The following ARHGAP15 variants were observed in gnomAD, a reference collection of about 807,000 sequenced individuals.
ARHGAP15 encodes the protein Rho GTPase activating protein 15.
ARHGAP15 carries 51 observed loss-of-function variants against 63.7 expected under a neutral mutation model. That is an observed-to-expected ratio of 0.80 (90% CI 0.64 to 1.01). The LOEUF is 1.01. ARHGAP15 is among the 50% of genes least tolerant of loss of function. ARHGAP15 has a pLI of 0.00. For synonymous variants in ARHGAP15, 191 were observed against 193.8 expected, an observed-to-expected ratio of 0.99 and a Z score of 0.12; for missense variants, 560 against 564.6, an observed-to-expected ratio of 0.99 and a Z score of 0.08.
intron 6 of ARHGAP15, among the ~76,000 whole-genome samples, chr2:143,298,357 CCT>C (rs1240724384): frequency 6.6e-6 from 1 of 151,838 alleles, no homozygotes; most frequent in Non-Finnish European, 1.5e-5. Context: ...TCTTTATTAT[CCT>C]CTTAGTACAC....
chr2:143,368,602 AAAT>A (rs1004677815), intron 6 of ARHGAP15, among the ~76,000 whole-genome samples: 4 of 152,062 alleles, frequency 2.6e-5, no homozygotes, highest in East Asian at 1.9e-4. Context: ...TAGAGTGGTA[AAAT>A]AATAATATCA....
At chr2:143,204,527 AC>A (rs1692250375) in intron 3 of ARHGAP15, among the ~76,000 whole-genome samples, 1 of 152,066 alleles carries the variant, frequency 6.6e-6, no homozygotes, top group Non-Finnish European at 1.5e-5. Context: ...TGAGAGCTCC[AC>A]CTTTATGACC....
intron 9 of ARHGAP15, among the ~76,000 whole-genome samples, chr2:143,494,563 T>C (rs1252099215): frequency 6.6e-6 from 1 of 152,344 alleles, no homozygotes; most frequent in South Asian, 2.1e-4. Context: ...TTTTTTATTT[T>C]AAATTGTTCT....
chr2:143,519,859 C>T (rs1445772436), intron 10 of ARHGAP15, among the ~76,000 whole-genome samples: 1 of 152,142 alleles, frequency 6.6e-6, no homozygotes, highest in Non-Finnish European at 1.5e-5. Flanking sequence ...AAAAGACACA[C>T]CTCAAAAGAT....
intron 6 of ARHGAP15, among the ~76,000 whole-genome samples, chr2:143,267,298 T>C (rs1454152663): frequency 1.3e-5 from 2 of 152,170 alleles, no homozygotes; most frequent in Non-Finnish European, 2.9e-5. Context: ...AAAAGCACAT[T>C]TAACATAATT....
At chr2:143,607,143 GATACA>G (rs949805720) in intron 11 of ARHGAP15, among the ~76,000 whole-genome samples, 28 of 152,132 alleles carry the variant, frequency 1.8e-4, no homozygotes, top group Non-Finnish European at 2.9e-4. Flanking sequence ...AATTACTGCA[GATACA>G]TTTCAGTCAC....
intron 6 of ARHGAP15, among the ~76,000 whole-genome samples, chr2:143,413,582 C>A (rs1688535880): frequency 6.6e-6 from 1 of 152,152 alleles, no homozygotes; most frequent in African/African-American, 2.4e-5. Flanking sequence ...GTGATCCTCC[C>A]ACCTGAACCT....
At chr2:143,240,735 G>A (rs1038883980) in intron 5 of ARHGAP15, among the ~76,000 whole-genome samples, 5 of 152,116 alleles carry the variant, frequency 3.3e-5, no homozygotes, top group Non-Finnish European at 5.9e-5. Flanking sequence ...AGGATAATGG[G>A]TAGAGATGGA....
intron 6 of ARHGAP15, among the ~76,000 whole-genome samples, chr2:143,270,212 C>A (rs1681206045): frequency 6.6e-6 from 1 of 152,122 alleles, no homozygotes. Context: ...CTTAGGTGAT[C>A]CACCTGCCTC....
chr2:143,519,240 G>A (rs982124244), intron 9 of ARHGAP15, 26 bp from the exon 10 acceptor site: 5 of 1,532,320 alleles, frequency 3.3e-6, no homozygotes, highest in Non-Finnish European at 4.5e-6. Flanking sequence ...GGATTTTAAT[G>A]AAGCTCATCT....
At position 143,329,648 on chromosome 2, in the gene ARHGAP15, T is replaced by C. The variant is rs536476222; in HGVS notation, c.474+79048T>C. Among the ~76,000 whole-genome samples the C allele has an allele frequency of 7.2e-5, 11 of 152,278 alleles. 1 individual carries two copies. In the South Asian group the frequency reaches 1.7e-3, roughly 23 times the overall value. On this transcript the variant is annotated intron_variant, in intron 6 of 13. Transcript: ENST00000295095. Reference sequence around the variant, plus strand: ...AAATACTGTGTTTTGAGCTGTTAAATTGGTGGCAATTTGTTACACAGCCAC... The same window carrying C: ...AAATACTGTGTTTTGAGCTGTTAAACTGGTGGCAATTTGTTACACAGCCAC...
intron 6 of ARHGAP15, among the ~76,000 whole-genome samples, chr2:143,426,241 T>A (rs546922925): frequency 6.6e-6 from 1 of 152,310 alleles, no homozygotes; most frequent in East Asian, 1.9e-4. Flanking sequence ...CCACCTGAGT[T>A]ATTTTTATGT....
intron 4 of ARHGAP15, among the ~76,000 whole-genome samples, chr2:143,226,679 C>G (rs1205749872): frequency 6.6e-6 from 1 of 152,122 alleles, no homozygotes; most frequent in African/African-American, 2.4e-5. Flanking sequence ...GTTTTTTCAT[C>G]TTTTCATTAT....
At chr2:143,658,852 C>T (rs1000173666) in intron 12 of ARHGAP15, among the ~76,000 whole-genome samples, 1 of 152,192 alleles carries the variant, frequency 6.6e-6, no homozygotes, top group South Asian at 2.1e-4. Context: ...CTTAATATAG[C>T]TAGGAAATTT....
At chr2:143,145,037 G>T (rs1052774085) in intron 1 of ARHGAP15, among the ~76,000 whole-genome samples, 2 of 152,024 alleles carry the variant, frequency 1.3e-5, no homozygotes, top group Non-Finnish European at 2.9e-5. Flanking sequence ...TCTGTGGAAG[G>T]TTCAGCTAAG....
At chr2:143,383,960 A>G (rs1353111882) in intron 6 of ARHGAP15, among the ~76,000 whole-genome samples, 6 of 152,154 alleles carry the variant, frequency 3.9e-5, no homozygotes, top group African/African-American at 7.2e-5. Flanking sequence ...GAAAACTAAA[A>G]TTGACAGTCA....
chr2:143,241,726 C>T (rs1025054737), intron 5 of ARHGAP15, among the ~76,000 whole-genome samples: 1 of 152,218 alleles, frequency 6.6e-6, no homozygotes. Flanking sequence ...ACCTCTGCCA[C>T]AGCGAGAGCA....
intron 5 of ARHGAP15, among the ~76,000 whole-genome samples, chr2:143,248,436 A>T (rs942743054): frequency 6.6e-6 from 1 of 152,202 alleles, no homozygotes; most frequent in African/African-American, 2.4e-5. Context: ...TGTTTTTAGC[A>T]TATGATCACA....
intron 8 of ARHGAP15, among the ~76,000 whole-genome samples, chr2:143,466,395 AT>A (rs138746624): frequency 0.068 from 10,208 of 150,146 alleles, 525 homozygotes; most frequent in East Asian, 0.21. Flanking sequence ...CTTGGGTTGA[AT>A]TTTTTTTTTC....
Sources: allele counts gnomAD v4.1 joint callset (sites outside exome capture counted in the v4.1 genomes callset), GRCh38; gene constraint gnomAD v4.1.1; transcripts MANE v1.5; gene names NCBI Gene and HGNC (gene_info 2026-07-23, HGNC 2026-07-21).